Variants in SLCO5A1 observed in about 807,000 individuals in gnomAD.
SLCO5A1 encodes solute carrier organic anion transporter family member 5A1.
In SLCO5A1, 39 loss-of-function variants were observed where a neutral mutation model predicts 65.1. The observed-to-expected ratio is 0.60, with a 90% CI of 0.46 to 0.78. The LOEUF is 0.78. SLCO5A1 is among the 30% of genes least tolerant of loss of function. SLCO5A1 has a pLI of 0.00. For missense variants in SLCO5A1, 1,029 were observed against 1,069.4 expected (o/e 0.96, Z 0.53); for synonymous variants, 438 against 415.7 (o/e 1.05, Z -0.65).
intron 9 of SLCO5A1, among the ~76,000 whole-genome samples, chr8:69,674,189 C>T (rs1013878914): frequency 6.6e-6 from 1 of 152,216 alleles, no homozygotes; most frequent in South Asian, 2.1e-4. Flanking sequence ...TATCACATAG[C>T]ATTTTAAATG....
At chr8:69,744,245 C>T (rs938950892) in intron 4 of SLCO5A1, among the ~76,000 whole-genome samples, 69 of 152,166 alleles carry the variant, frequency 4.5e-4, no homozygotes, top group Non-Finnish European at 8.8e-4. Context: ...CATAAGAAGG[C>T]GGCCCAGCTA....
chr8:69,757,833 A>G (rs545102719), intron 3 of SLCO5A1, among the ~76,000 whole-genome samples: 1 of 152,118 alleles, frequency 6.6e-6, no homozygotes, highest in Non-Finnish European at 1.5e-5. Context: ...CTCTCCACGA[A>G]CTCTCCATTC....
At chr8:69,786,568 C>T (rs1356827342) in intron 2 of SLCO5A1, among the ~76,000 whole-genome samples, 1 of 152,202 alleles carries the variant, frequency 6.6e-6, no homozygotes, top group African/African-American at 2.4e-5. Context: ...TAATACTATT[C>T]ATTAGTAAGA....
chr8:69,710,706 C>A (rs1477541672), intron 5 of SLCO5A1, among the ~76,000 whole-genome samples: 1 of 152,192 alleles, frequency 6.6e-6, no homozygotes, highest in African/African-American at 2.4e-5. Context: ...CATAATTAAA[C>A]AGCAGCATAA....
chr8:69,691,706 T>C (rs1814267404), intron 6 of SLCO5A1, among the ~76,000 whole-genome samples: 1 of 152,236 alleles, frequency 6.6e-6, no homozygotes, highest in Admixed American at 6.5e-5. Context: ...TATATAGTCA[T>C]GTGTCACTTA....
intron 5 of SLCO5A1, among the ~76,000 whole-genome samples, chr8:69,716,094 G>C (rs753990938): frequency 6.6e-5 from 10 of 152,170 alleles, no homozygotes; most frequent in Admixed American, 1.3e-4. Context: ...TGTGTGCCTG[G>C]CTTCTGTCAC....
intron 2 of SLCO5A1, among the ~76,000 whole-genome samples, chr8:69,797,293 TC>T (rs1212674308): frequency 6.6e-6 from 1 of 152,212 alleles, no homozygotes; most frequent in Non-Finnish European, 1.5e-5. Flanking sequence ...AAACTCTTAA[TC>T]CCGTCATCTT....
intron 5 of SLCO5A1, among the ~76,000 whole-genome samples, chr8:69,736,556 G>A (rs543232564): frequency 6.6e-6 from 1 of 152,138 alleles, no homozygotes; most frequent in African/African-American, 2.4e-5. Context: ...GTATCCTGGG[G>A]AACACTGTTT....
chr8:69,672,602 G>A lies in SLCO5A1; in HGVS notation c.*267C>T, dbSNP rs1269524571. ...CCGTGTACCTCAGCCTGTACCGTAG[G>A]GGAGCATGAGCTTTGAATTAACACA... On this transcript the variant is annotated 3_prime_UTR_variant, in exon 10 of 10. Coordinates refer to ENST00000260126, the MANE Select transcript of SLCO5A1 (RefSeq NM_030958.3). The A allele has an allele frequency of 8.5e-6, 4 of 471,152 alleles. No homozygotes were observed. Among genetic ancestry groups the A allele is most frequent in the Non-Finnish European group, 1.1e-5 (3 of 264,242 alleles). The allele number at this position is 471,152 out of a possible 1,614,324, so 29.2% of individuals were successfully genotyped here.
At position 69,671,099 on chromosome 8, in the gene SLCO5A1, G is replaced by C. The variant is rs1397188632; in HGVS notation, c.*1770C>G. On this transcript the variant is annotated 3_prime_UTR_variant, in exon 10 of 10. Coordinates refer to ENST00000260126, the MANE Select transcript of SLCO5A1 (RefSeq NM_030958.3). ...GAGAGCCAAGCCCAGGAACCAGAGG[G>C]AAGTCCTTAGCCCCTGAGACCACTA... The C allele has an allele frequency of 1.3e-5, 2 of 152,354 alleles. No homozygotes were observed. Among genetic ancestry groups the C allele is most frequent in the East Asian group, 3.9e-4 (2 of 5,178 alleles). The allele number at this position is 152,354 out of a possible 1,614,324, so 9.4% of individuals were successfully genotyped here. A position where few individuals can be genotyped will look rare whatever the true frequency, so the allele number is the denominator to read the frequency against.
intron 2 of SLCO5A1, among the ~76,000 whole-genome samples, chr8:69,823,709 C>A (rs1778242550): frequency 6.6e-6 from 1 of 152,144 alleles, no homozygotes; most frequent in Non-Finnish European, 1.5e-5. Context: ...CAACATTAGA[C>A]AGATCAACGA....
chr8:69,749,217 T>C (rs1025390950), intron 4 of SLCO5A1, among the ~76,000 whole-genome samples: 1 of 152,186 alleles, frequency 6.6e-6, no homozygotes, highest in Non-Finnish European at 1.5e-5. Context: ...ATCTATTCCT[T>C]CTGCTTCTCT....
chr8:69,672,872 G>C lies in SLCO5A1; in HGVS notation c.2544C>G (p.Ser848=). 6.2e-7 allele frequency: 1 copy of C among 1,602,292 alleles called. No individual in the cohort carries two copies. Among genetic ancestry groups the C allele is most frequent in the Non-Finnish European group, 8.5e-7 (1 of 1,171,786 alleles). Reference sequence around the variant, plus strand: ...TAAATTCTTCCATTTTCAAGCTTCAGGAGGGCGGCTCCAAGGCAGCGGGGC... The same window carrying C: ...TAAATTCTTCCATTTTCAAGCTTCACGAGGGCGGCTCCAAGGCAGCGGGGC... ...EESPAALEPP[S] is the part of the protein sequence containing the mutation. The change falls in exon 10 of 10, where the codon TCC becomes TCG. Residue 848 remains serine, a synonymous_variant. Coordinates refer to ENST00000260126, the MANE Select transcript of SLCO5A1 (RefSeq NM_030958.3).
chr8:69,808,491 C>T (rs755798037), intron 2 of SLCO5A1, among the ~76,000 whole-genome samples: 3 of 152,158 alleles, frequency 2.0e-5, no homozygotes, highest in Non-Finnish European at 4.4e-5. Context: ...CTGCAAAGGA[C>T]ATGATTTTGT....
intron 2 of SLCO5A1, among the ~76,000 whole-genome samples, chr8:69,807,976 T>G (rs1820074575): frequency 6.6e-6 from 1 of 152,198 alleles, no homozygotes; most frequent in Non-Finnish European, 1.5e-5. Context: ...GTGCTGGGAT[T>G]ACAGGCTTGA....
chr8:69,744,287 G>A (rs1464696607), intron 4 of SLCO5A1, among the ~76,000 whole-genome samples: 1 of 152,226 alleles, frequency 6.6e-6, no homozygotes, highest in Non-Finnish European at 1.5e-5. Context: ...CCAGGCCTGT[G>A]AGAGCGGGCT....
intron 9 of SLCO5A1, 61 bp downstream of exon 9, chr8:69,676,546 CAG>C: frequency 7.2e-7 from 1 of 1,388,176 alleles, no homozygotes; most frequent in South Asian, 1.2e-5. Flanking sequence ...TTTTAAAGGA[CAG>C]TGAAAATTTG....
chr8:69,763,543 C>A (rs1265985097), intron 2 of SLCO5A1, among the ~76,000 whole-genome samples: 5 of 133,602 alleles, frequency 3.7e-5, no homozygotes, highest in Non-Finnish European at 7.7e-5. Flanking sequence ...TCACTTGAAC[C>A]TGGTAGGCAG....
chr8:69,695,480 A>C (rs1158716382), intron 6 of SLCO5A1, among the ~76,000 whole-genome samples: 1 of 152,098 alleles, frequency 6.6e-6, no homozygotes, highest in Non-Finnish European at 1.5e-5. Flanking sequence ...TGGATGACAG[A>C]GCGAGATTCC....
Sources: allele counts gnomAD v4.1 joint callset (sites outside exome capture counted in the v4.1 genomes callset), GRCh38; gene constraint gnomAD v4.1.1; transcripts MANE v1.5; gene names NCBI Gene and HGNC (gene_info 2026-07-23, HGNC 2026-07-21).